The following CTNNA2 variants were observed in gnomAD, a reference collection of about 807,000 sequenced individuals.
CTNNA2 encodes catenin alpha-2.
In CTNNA2, 42 loss-of-function variants were observed where a neutral mutation model predicts 101.0. The ratio of observed to expected loss-of-function variants is 0.42; its 90% CI spans 0.32 to 0.54. CTNNA2 has a LOEUF of 0.54. Among genes scored for constraint, CTNNA2 ranks in the 20% least tolerant of loss-of-function variants. CTNNA2 has a pLI of 0.14. For synonymous variants in CTNNA2, 450 were observed against 456.4 expected (o/e 0.99, Z 0.18); for missense variants, 871 against 1,223.1 (o/e 0.71, Z 4.29).
chr2:80,610,955 C>A lies in CTNNA2; in HGVS notation c.2430+2637C>A, dbSNP rs539308829. 8.6e-5 allele frequency among the ~76,000 whole-genome samples: 13 copies of A among 151,472 alleles called. No homozygotes were observed. The South Asian group carries it at 1.7e-3, about 19-fold the overall frequency. On this transcript the variant is annotated intron_variant, in intron 17 of 18. Coordinates refer to ENST00000402739, the MANE Select transcript of CTNNA2 (RefSeq NM_001282597.3). ...AGGATGTGTTTCTGTGTATGCTCATCCACACAACTGCTATCTAAGAAATAC... is the reference window on the plus strand; with the variant it reads ...AGGATGTGTTTCTGTGTATGCTCATACACACAACTGCTATCTAAGAAATAC...
intron 7 of CTNNA2, among the ~76,000 whole-genome samples, chr2:80,010,194 T>C (rs576019525): frequency 6.6e-6 from 1 of 152,174 alleles, no homozygotes; most frequent in Non-Finnish European, 1.5e-5. Flanking sequence ...TACAAAGCCA[T>C]GGAGTTCCCT....
intron 15 of CTNNA2, among the ~76,000 whole-genome samples, chr2:80,594,594 A>G (rs754462791): frequency 6.6e-6 from 1 of 151,772 alleles, no homozygotes; most frequent in Non-Finnish European, 1.5e-5. Context: ...CAATGTCATG[A>G]AGTTTTCTCC....
intron 2 of CTNNA2, chr2:79,687,460 C>G: frequency 2.2e-6 from 1 of 452,186 alleles, no homozygotes; most frequent in Non-Finnish European, 3.9e-6. Flanking sequence ...TTTTTTTGTA[C>G]CTTCAGATAA....
intron 4 of CTNNA2, among the ~76,000 whole-genome samples, chr2:79,477,631 A>G (rs140897331): frequency 3.3e-5 from 5 of 152,202 alleles, no homozygotes; most frequent in South Asian, 2.1e-4. Flanking sequence ...TCACAGCTCA[A>G]TGGTGCCTTT....
At chr2:79,412,211 T>C (rs1206073395) in intron 4 of CTNNA2, among the ~76,000 whole-genome samples, 1 of 152,102 alleles carries the variant, frequency 6.6e-6, no homozygotes, top group African/African-American at 2.4e-5. Context: ...GAAATATATA[T>C]GCACCCAATA....
chr2:79,786,718 T>C (rs1310704518), intron 3 of CTNNA2, among the ~76,000 whole-genome samples: 2 of 152,126 alleles, frequency 1.3e-5, no homozygotes, highest in Non-Finnish European at 2.9e-5. Flanking sequence ...TGCTTGCTAA[T>C]ATGTCATTCA....
intron 7 of CTNNA2, among the ~76,000 whole-genome samples, chr2:80,218,205 C>T (rs1297377627): frequency 1.3e-5 from 2 of 152,188 alleles, no homozygotes; most frequent in South Asian, 2.1e-4. Flanking sequence ...TCTGGCTCTA[C>T]CCAGAGAGAA....
chr2:79,275,071 G>A (rs1675177352), intron 2 of CTNNA2, among the ~76,000 whole-genome samples: 1 of 151,962 alleles, frequency 6.6e-6, no homozygotes, highest in Non-Finnish European at 1.5e-5. Context: ...GGCTCCAGTG[G>A]GACTACCTGG....
chr2:80,181,089 A>G (rs1254229793), intron 7 of CTNNA2, among the ~76,000 whole-genome samples: 1 of 152,128 alleles, frequency 6.6e-6, no homozygotes, highest in Admixed American at 6.5e-5. Flanking sequence ...AGTGTAGTGC[A>G]CTTCCTCATG....
Position 79,501,956 on chromosome 2 carries a change from G to A in CTNNA2, c.-134-3098G>A, listed in dbSNP as rs569261053. ...GCAGAAATAGTCTCCCATATTCAAG[G>A]ATATTAGTCTTTTTTTTTTTTTTTT... On this transcript the variant is annotated intron_variant, in intron 4 of 21. Transcript: ENST00000466387. Among the ~76,000 whole-genome samples, 28 of 149,700 alleles carry A rather than the reference G, an allele frequency of 1.9e-4. No individual in the cohort carries two copies. In the South Asian group the frequency reaches 5.9e-3, roughly 32 times the overall value.
At chr2:79,471,009 T>C (rs999302031) in intron 4 of CTNNA2, among the ~76,000 whole-genome samples, 1 of 152,214 alleles carries the variant, frequency 6.6e-6, no homozygotes, top group Non-Finnish European at 1.5e-5. Context: ...TCAAATGATA[T>C]CACAGAATTT....
chr2:79,491,417 C>T (rs1671206647), intron 4 of CTNNA2, among the ~76,000 whole-genome samples: 1 of 152,060 alleles, frequency 6.6e-6, no homozygotes, highest in African/African-American at 2.4e-5. Context: ...CTTCAAACAC[C>T]AAGGAGATTT....
At chr2:79,529,371 G>T (rs115731632) in intron 1 of CTNNA2, among the ~76,000 whole-genome samples, 76 of 152,274 alleles carry the variant, frequency 5.0e-4, no homozygotes, top group South Asian at 1.7e-3. Context: ...GCTGATGCTT[G>T]GTGTTGATGA....
At chr2:80,376,123 C>A (rs1292910864) in intron 7 of CTNNA2, among the ~76,000 whole-genome samples, 2 of 152,022 alleles carry the variant, frequency 1.3e-5, no homozygotes, top group African/African-American at 2.4e-5. Flanking sequence ...CCTCCCACAT[C>A]TCTACCATTA....
At chr2:79,287,750 C>T (rs527858710) in intron 2 of CTNNA2, among the ~76,000 whole-genome samples, 24 of 152,294 alleles carry the variant, frequency 1.6e-4, no homozygotes, top group African/African-American at 5.5e-4. Context: ...GGCAAGCAGG[C>T]CTCCTTGAGC....
At chr2:79,752,691 A>G (rs1037211992) in intron 3 of CTNNA2, among the ~76,000 whole-genome samples, 2 of 152,194 alleles carry the variant, frequency 1.3e-5, no homozygotes, top group Non-Finnish European at 2.9e-5. Context: ...ATGTCTGCAC[A>G]TAGTGAGCAC....
intron 4 of CTNNA2, among the ~76,000 whole-genome samples, chr2:79,426,736 T>C (rs1678596057): frequency 6.6e-6 from 1 of 152,182 alleles, no homozygotes. Context: ...TTTATTTCAT[T>C]AAATAACAAA....
intron 7 of CTNNA2, among the ~76,000 whole-genome samples, chr2:80,180,319 G>C (rs1705692772): frequency 6.6e-6 from 1 of 152,144 alleles, no homozygotes; most frequent in African/African-American, 2.4e-5. Context: ...ATTCAAATTA[G>C]TTTTTTGTTC....
intron 7 of CTNNA2, among the ~76,000 whole-genome samples, chr2:80,250,182 G>GGA (rs67176913): frequency 0.048 from 6,802 of 142,022 alleles, 206 homozygotes; most frequent in Non-Finnish European, 0.072. Context: ...ATGGATGGGG[G>GGA]GAGAGAGAGA....
Sources: allele counts gnomAD v4.1 joint callset (sites outside exome capture counted in the v4.1 genomes callset), GRCh38; gene constraint gnomAD v4.1.1; transcripts MANE v1.5; gene names NCBI Gene and HGNC (gene_info 2026-07-23, HGNC 2026-07-21).